Variants in ZFAND3 observed in about 807,000 individuals in gnomAD.
ZFAND3 encodes the protein AN1-type zinc finger protein 3.
In ZFAND3, 10 loss-of-function variants were observed where a neutral mutation model predicts 29.6. The ratio of observed to expected loss-of-function variants is 0.34; its 90% CI spans 0.21 to 0.57. The LOEUF (loss-of-function observed/expected upper bound fraction) is 0.57. ZFAND3 is among the 20% of genes least tolerant of loss of function. The pLI, the probability that ZFAND3 is intolerant of heterozygous loss-of-function variation, is 0.86. For missense variants in ZFAND3, 230 were observed against 304.5 expected, an observed-to-expected ratio of 0.76 and a Z score of 1.82; for synonymous variants, 128 against 112.6, an observed-to-expected ratio of 1.14 and a Z score of -0.87.
chr6:38,120,271 A>AGAAGCCAC (rs1400204890), intron 5 of ZFAND3, among the ~76,000 whole-genome samples: 9 of 145,752 alleles, frequency 6.2e-5, no homozygotes, highest in African/African-American at 2.0e-4. Context: ...AGCCACAAGA[A>AGAAGCCAC]TGCCGTCTTC....
At chr6:38,069,075 C>T (rs1192754799) in intron 3 of ZFAND3, among the ~76,000 whole-genome samples, 1 of 152,148 alleles carries the variant, frequency 6.6e-6, no homozygotes, top group Non-Finnish European at 1.5e-5. Context: ...AATCTGTTCC[C>T]TGGAAATTTA....
At chr6:38,025,423 G>A (rs537256644) in intron 2 of ZFAND3, among the ~76,000 whole-genome samples, 4 of 152,246 alleles carry the variant, frequency 2.6e-5, no homozygotes, top group African/African-American at 9.6e-5. Context: ...TGGAAGAAAA[G>A]ATAATTTCTC....
intron 2 of ZFAND3, among the ~76,000 whole-genome samples, chr6:37,943,487 A>G (rs1410693523): frequency 1.3e-5 from 2 of 152,140 alleles, no homozygotes; most frequent in African/African-American, 4.8e-5. Flanking sequence ...TCCTTAACTC[A>G]TATGTTTTAG....
At chr6:38,115,307 T>C (rs1475166440) in intron 4 of ZFAND3, among the ~76,000 whole-genome samples, 1 of 152,172 alleles carries the variant, frequency 6.6e-6, no homozygotes, top group Non-Finnish European at 1.5e-5. Flanking sequence ...AGTGTAGAGA[T>C]AAGCAAAGGA....
chr6:38,152,159 A>G, intron 5 of ZFAND3, 76 bp from the exon 6 acceptor site: 2 of 1,369,812 alleles, frequency 1.5e-6, no homozygotes, highest in Non-Finnish European at 1.9e-6. Flanking sequence ...TCCTCTGGAC[A>G]AAGGCAATTG....
intron 4 of ZFAND3, among the ~76,000 whole-genome samples, chr6:38,113,528 G>C (rs1436850229): frequency 2.0e-5 from 3 of 152,150 alleles, no homozygotes; most frequent in Non-Finnish European, 4.4e-5. Context: ...AATGCCCATT[G>C]GTCAGGTAAG....
chr6:38,078,582 G>A (rs925390138), intron 3 of ZFAND3, among the ~76,000 whole-genome samples: 1 of 152,190 alleles, frequency 6.6e-6, no homozygotes, highest in South Asian at 2.1e-4. Context: ...AGAACCTGTT[G>A]TATTAAGCAA....
intron 1 of ZFAND3, among the ~76,000 whole-genome samples, chr6:37,844,755 C>T (rs890833642): frequency 6.6e-6 from 1 of 151,536 alleles, no homozygotes; most frequent in South Asian, 2.1e-4. Context: ...TGGCTTACTC[C>T]TGTAATCCCA....
intron 3 of ZFAND3, among the ~76,000 whole-genome samples, chr6:38,070,053 A>C (rs143352316): frequency 4.6e-5 from 7 of 152,272 alleles, no homozygotes; most frequent in African/African-American, 1.7e-4. Flanking sequence ...CCCAATTCCT[A>C]CTTTTTACAG....
intron 4 of ZFAND3, among the ~76,000 whole-genome samples, chr6:38,114,733 C>T (rs1765384657): frequency 6.6e-6 from 1 of 152,184 alleles, no homozygotes; most frequent in Non-Finnish European, 1.5e-5. Context: ...AAAGGGCATA[C>T]AGACAGCCTT....
intron 1 of ZFAND3, among the ~76,000 whole-genome samples, chr6:37,889,258 A>C (rs1322073915): frequency 1.3e-5 from 2 of 152,236 alleles, no homozygotes; most frequent in African/African-American, 2.4e-5. Context: ...ATGGGGAATA[A>C]AACTTTCCCC....
At chr6:37,894,021 G>T (rs919703768) in intron 1 of ZFAND3, among the ~76,000 whole-genome samples, 1 of 152,080 alleles carries the variant, frequency 6.6e-6, no homozygotes, top group Non-Finnish European at 1.5e-5. Flanking sequence ...TTGGGAGGCC[G>T]AGGTGAGTGG....
intron 2 of ZFAND3, among the ~76,000 whole-genome samples, chr6:37,960,678 C>T (rs567511385): frequency 6.6e-6 from 1 of 152,142 alleles, no homozygotes; most frequent in Admixed American, 6.5e-5. Flanking sequence ...TTCATTCATT[C>T]TAGGTATAGA....
chr6:37,990,584 T>C (rs1472689441), intron 2 of ZFAND3, among the ~76,000 whole-genome samples: 1 of 152,172 alleles, frequency 6.6e-6, no homozygotes, highest in Non-Finnish European at 1.5e-5. Flanking sequence ...CTAGTAGCCA[T>C]ATAAGCAAAA....
At chr6:38,028,654 C>T (rs1763493993) in intron 2 of ZFAND3, among the ~76,000 whole-genome samples, 1 of 152,268 alleles carries the variant, frequency 6.6e-6, no homozygotes, top group South Asian at 2.1e-4. Flanking sequence ...AAAGAATCCA[C>T]TTAACTCTCC....
chr6:38,144,207 ATATAATATATAATATATATATATATTT>A (rs1766042408), intron 5 of ZFAND3, among the ~76,000 whole-genome samples: 1 of 43,674 alleles, frequency 2.3e-5, no homozygotes, highest in African/African-American at 1.4e-4. Context: ...ATATATATAT[ATATAATATATAATATATATATATATTT>A]TTTTTTTAAT....
At chr6:37,857,810 C>T (rs1764411775) in intron 1 of ZFAND3, among the ~76,000 whole-genome samples, 1 of 152,094 alleles carries the variant, frequency 6.6e-6, no homozygotes, top group Non-Finnish European at 1.5e-5. Flanking sequence ...ATGACCAGGT[C>T]CAGTGTGTGT....
rs550263563 is a variant in ZFAND3, at chr6:37,845,692, G to A, written c.71+25676G>A. On this transcript the variant is annotated intron_variant, in intron 1 of 5. Coordinates refer to ENST00000287218, the MANE Select transcript of ZFAND3 (RefSeq NM_021943.3). ...CCAGTCTCTACTCCCTCAGAGACTT[G>A]CTAGGCTGGACTTGTCCCTTCCTTG... 2.0e-5 allele frequency among the ~76,000 whole-genome samples: 3 copies of A among 152,288 alleles called. 1 individual carries two copies. The highest frequency in any genetic ancestry group is 7.2e-5 in the African/African-American group (3 of 41,562).
intron 2 of ZFAND3, among the ~76,000 whole-genome samples, chr6:38,007,673 A>G (rs1322246796): frequency 6.6e-6 from 1 of 152,254 alleles, no homozygotes; most frequent in African/African-American, 2.4e-5. Flanking sequence ...ATTAGCCTAT[A>G]TCAGCTCTAA....
Sources: allele counts gnomAD v4.1 joint callset (sites outside exome capture counted in the v4.1 genomes callset), GRCh38; gene constraint gnomAD v4.1.1; transcripts MANE v1.5; gene names NCBI Gene and HGNC (gene_info 2026-07-23, HGNC 2026-07-21).